The following MCUB variants were observed in gnomAD, a reference collection of about 807,000 sequenced individuals.
MCUB encodes mitochondrial calcium uniporter dominant negative subunit beta.
A neutral mutation model predicts 41.4 loss-of-function variants in MCUB; 46 were observed. That is an observed-to-expected ratio of 1.11 (90% CI 0.88 to 1.42). The LOEUF (loss-of-function observed/expected upper bound fraction) is 1.42, where lower values mean the gene tolerates loss of function less well. MCUB is among the 40% of genes most tolerant of loss of function. The probability of loss-of-function intolerance (pLI) is 0.00; values close to 1 mark genes in which losing one functional copy is unlikely to be tolerated. For missense variants in MCUB, 403 were observed against 404.9 expected, an observed-to-expected ratio of 1.00 and a Z score of 0.04; for synonymous variants, 148 against 148.2, an observed-to-expected ratio of 1.00 and a Z score of 0.01.
chr4:109,596,665 G>T (rs1224853053), intron 1 of MCUB, among the ~76,000 whole-genome samples: 1 of 151,768 alleles, frequency 6.6e-6, no homozygotes, highest in African/African-American at 2.4e-5. Flanking sequence ...CCCTTGACTC[G>T]GTGCCTCACA....
rs1726594000 is a variant in MCUB at position 109,560,419 on chromosome 4, CT to C, written c.83del (p.Leu28ArgfsTer10). 2 of 1,299,664 alleles carry C rather than the reference CT, an allele frequency of 1.5e-6. No homozygotes were observed. The highest frequency in any genetic ancestry group is 6.2e-5 in the East Asian group (2 of 32,006). The allele number at this position is 1,299,664 out of a possible 1,614,324, so 80.5% of individuals were successfully genotyped here. On this transcript the variant is annotated frameshift_variant, in exon 1 of 8. Transcript: ENST00000394650. LOFTEE classifies it high-confidence loss of function. ...GTWRPARPWP[L>X]PPPPQVLRVK... is the part of the protein sequence containing the mutation. ...CTGGCGCCCAGCGCGCCCGTGGCCG[CT>C]GCCGCCTCCGCCCCAGGTAAGAGCG...
intron 1 of MCUB, among the ~76,000 whole-genome samples, chr4:109,599,465 C>G (rs1454269199): frequency 1.3e-5 from 2 of 151,886 alleles, no homozygotes; most frequent in Non-Finnish European, 2.9e-5. Flanking sequence ...GTATCTGAGG[C>G]CTTTATACTT....
chr4:109,683,766 A>G (rs1729769257), intron 5 of MCUB, among the ~76,000 whole-genome samples: 1 of 152,178 alleles, frequency 6.6e-6, no homozygotes, highest in African/African-American at 2.4e-5. Flanking sequence ...TGAATCTGTA[A>G]TGGGTTTTGT....
At chr4:109,647,359 C>T (rs982539684) in intron 1 of MCUB, among the ~76,000 whole-genome samples, 3 of 152,184 alleles carry the variant, frequency 2.0e-5, no homozygotes, top group Non-Finnish European at 4.4e-5. Flanking sequence ...TCCCATAACC[C>T]CTGGCAGCCA....
At chr4:109,618,952 T>TTCTCTCTCTCTCTCTCTC (rs10557098) in intron 1 of MCUB, among the ~76,000 whole-genome samples, 84 of 127,728 alleles carry the variant, frequency 6.6e-4, no homozygotes, top group East Asian at 4.4e-3. Context: ...AACATTAAAC[T>TTCTCTCTCTCTCTCTCTC]TCTCTCTCTC....
At chr4:109,637,592 G>A (rs1311272609) in intron 1 of MCUB, among the ~76,000 whole-genome samples, 1 of 152,180 alleles carries the variant, frequency 6.6e-6, no homozygotes, top group Admixed American at 6.5e-5. Context: ...TGAAGTAATG[G>A]CATTTGCAAC....
intron 1 of MCUB, among the ~76,000 whole-genome samples, chr4:109,600,846 G>C (rs1727714414): frequency 6.6e-6 from 1 of 152,058 alleles, no homozygotes; most frequent in African/African-American, 2.4e-5. Context: ...CCAGGCAGGA[G>C]TACAGTGGCA....
chr4:109,594,979 C>A (rs1363471591), intron 1 of MCUB, among the ~76,000 whole-genome samples: 1 of 151,844 alleles, frequency 6.6e-6, no homozygotes, highest in East Asian at 1.9e-4. Flanking sequence ...AATTGCCAAT[C>A]CCTTCCAATA....
At chr4:109,656,214 A>AC (rs1328150312) in intron 1 of MCUB, among the ~76,000 whole-genome samples, 1 of 151,760 alleles carries the variant, frequency 6.6e-6, no homozygotes, top group Non-Finnish European at 1.5e-5. Flanking sequence ...CATTATACGG[A>AC]CTCTAGCATA....
At chr4:109,679,078 C>T (rs552559239) in intron 4 of MCUB, among the ~76,000 whole-genome samples, 143 of 150,128 alleles carry the variant, frequency 9.5e-4, no homozygotes, top group Admixed American at 2.1e-3. Context: ...GCGCTCCTCA[C>T]TTCCCATTAG....
chr4:109,671,183 A>G (rs1729449763), intron 4 of MCUB, among the ~76,000 whole-genome samples: 1 of 152,128 alleles, frequency 6.6e-6, no homozygotes, highest in Non-Finnish European at 1.5e-5. Context: ...GAGTTTTTTT[A>G]TGTCAGACAG....
chr4:109,676,018 A>G (rs1729570779), intron 4 of MCUB, among the ~76,000 whole-genome samples: 1 of 152,214 alleles, frequency 6.6e-6, no homozygotes, highest in East Asian at 1.9e-4. Context: ...GAAAATTGGT[A>G]CCAGAAGTGG....
chr4:109,610,775 T>C (rs112267239), intron 1 of MCUB, among the ~76,000 whole-genome samples: 8 of 152,330 alleles, frequency 5.3e-5, no homozygotes, highest in African/African-American at 1.9e-4. Flanking sequence ...TATAGCCTAT[T>C]GTTCCTACAC....
At chr4:109,639,868 G>A (rs1035909047) in intron 1 of MCUB, among the ~76,000 whole-genome samples, 1 of 152,084 alleles carries the variant, frequency 6.6e-6, no homozygotes, top group African/African-American at 2.4e-5. Context: ...TGCATTATTA[G>A]CCCCTATCAG....
chr4:109,578,241 A>G lies in MCUB; in HGVS notation c.99+17805A>G, dbSNP rs151008753. Among the ~76,000 whole-genome samples the G allele has an allele frequency of 5.8e-3, 876 of 152,298 alleles. 8 individuals are homozygous for G. The highest frequency in any genetic ancestry group is 0.021 in the African/African-American group (858 of 41,570). The stretch of plus-strand genomic sequence containing the variant: ...AAAGTTATCCTCCTAAGTGCTCATA[A>G]ACCAATATATGGGAATATAGTTCTT... On this transcript the variant is annotated intron_variant, in intron 1 of 7. Transcript: ENST00000394650.
chr4:109,595,342 A>G (rs192272986), intron 1 of MCUB, among the ~76,000 whole-genome samples: 1 of 152,360 alleles, frequency 6.6e-6, no homozygotes, highest in East Asian at 1.9e-4. Context: ...GTAAAGAAAC[A>G]TGCAAGAGCA....
intron 1 of MCUB, among the ~76,000 whole-genome samples, chr4:109,645,013 C>A (rs1418241804): frequency 6.6e-6 from 1 of 152,142 alleles, no homozygotes; most frequent in East Asian, 1.9e-4. Flanking sequence ...CCTGGAGCAA[C>A]AAGCCTCCCC....
At chr4:109,685,418 G>C in intron 7 of MCUB, 51 bp downstream of exon 7, 1 of 767,390 alleles carries the variant, frequency 1.3e-6, no homozygotes, top group South Asian at 1.6e-5. Context: ...CCAGAACTTA[G>C]TATCAGGGAA....
At chr4:109,616,347 A>G (rs1728126814) in intron 1 of MCUB, among the ~76,000 whole-genome samples, 1 of 152,182 alleles carries the variant, frequency 6.6e-6, no homozygotes, top group Non-Finnish European at 1.5e-5. Context: ...TGTCCTGACT[A>G]ATGTACCTTC....
Sources: gnomAD v4.1 joint callset for allele counts (sites outside exome capture counted in the v4.1 genomes callset) on GRCh38, gnomAD v4.1.1 for gene constraint, MANE v1.5 for transcripts, NCBI Gene and HGNC (gene_info 2026-07-23, HGNC 2026-07-21) for gene names.